ENKD1: variants seen among roughly 807,000 people sequenced by gnomAD.
ENKD1 encodes enkurin domain containing 1.
ENKD1 carries 39 observed loss-of-function variants against 35.8 expected under a neutral mutation model. That is an observed-to-expected ratio of 1.09 (90% CI 0.84 to 1.42). The LOEUF is 1.42. Ranked by LOEUF, ENKD1 falls within the 40% of genes most tolerant of loss-of-function variation. ENKD1 has a pLI of 0.00. For missense variants in ENKD1, 474 were observed against 471.3 expected (o/e 1.01, Z -0.05); for synonymous variants, 205 against 198.6 (o/e 1.03, Z -0.27).
Position 67,662,991 on chromosome 16 carries a change from G to A in ENKD1, c.*170C>T, listed in dbSNP as rs1322572121. ...TTTTGACAAAGCAGTTAAAAGGCTA[G>A]GGTGGCCCTTCTGCAGCCACTGGTG... On this transcript the variant is annotated 3_prime_UTR_variant, in exon 7 of 7. Transcript: ENST00000243878. This position sits in a 1 kb window ranked among gnomAD's most constrained non-coding sequence, Gnocchi z 6.9. 2.8e-6 allele frequency: 2 copies of A among 716,284 alleles called. No homozygotes were observed. Among genetic ancestry groups the A allele is most frequent in the Non-Finnish European group, 4.5e-6 (2 of 443,948 alleles). The allele number at this position is 716,284 out of a possible 1,614,324, so 44.4% of individuals were successfully genotyped here.
Position 67,663,517 on chromosome 16 carries a change from C to G in ENKD1, c.783G>C (p.Glu261Asp). 1 of 1,612,040 alleles carries G rather than the reference C, an allele frequency of 6.2e-7. No individual in the cohort carries two copies. The highest frequency in any genetic ancestry group is 1.1e-5 in the South Asian group (1 of 91,010). Residue 261 changes from glutamate to aspartate, a missense_variant, in exon 6 of 7, where the codon GAG becomes GAC. Physicochemically the swap from Glu to Asp is conservative, Grantham distance 45. Coordinates refer to ENST00000243878, the MANE Select transcript of ENKD1 (RefSeq NM_032140.3). ...GGTCCGGCTGGCTCTGCTTGCGGGC[C>G]TCGGCCTCCCGCCGCCACAGGTCCC... ...ERRDLWRREAEARKQSQPDPA... is the reference protein window; with the variant it reads ...ERRDLWRREADARKQSQPDPA...
chr16:67,663,117 C>T lies in ENKD1; in HGVS notation c.*44G>A, dbSNP rs374746019. ...AACCCTGTCCTTTGCAGCCATGTGG[C>T]GATCCTCAGCATGGAGCTCCTTGCC... On this transcript the variant is annotated 3_prime_UTR_variant, in exon 7 of 7. Transcript: ENST00000243878. 8 of 1,607,716 alleles carry T rather than the reference C, an allele frequency of 5.0e-6. No individual in the cohort carries two copies. Among genetic ancestry groups the T allele is most frequent in the African/African-American group, 2.7e-5 (2 of 74,992 alleles).
chr16:67,665,321 A>G lies in ENKD1; in HGVS notation c.281-153T>C, dbSNP rs147650724. On this transcript the variant is annotated intron_variant, in intron 2 of 6. Transcript: ENST00000243878. The stretch of plus-strand genomic sequence containing the variant: ...GACCCTACACACACTCTCCCTCATC[A>G]CCGTGTTCCCTTCCTCATGTAGTAA... 3.5e-3 allele frequency among the ~76,000 whole-genome samples: 532 copies of G among 151,816 alleles called. 6 individuals are homozygous for G. Among genetic ancestry groups the G allele is most frequent in the African/African-American group, 0.012 (495 of 41,314 alleles).
intron 2 of ENKD1, 100 bp downstream of exon 2, chr16:67,665,971 G>A (rs2053095641): frequency 1.5e-6 from 2 of 1,305,610 alleles, no homozygotes; most frequent in Middle Eastern, 2.0e-4. Context: ...CTCAAGAGAT[G>A]CAAAGCCTGG....
chr16:67,663,885 C>A (rs756445330), intron 4 of ENKD1, 52 bp downstream of exon 4: 57 of 1,604,316 alleles, frequency 3.6e-5, no homozygotes, highest in Non-Finnish European at 4.8e-5. Flanking sequence ...AACACCCCCC[C>A]CACACCAGGA....
rs2053107247 is a variant in ENKD1 at position 67,666,571 on chromosome 16, C to G, written c.-129G>C. ...CCCTGACCCTGGCGTGCCCGCCACT[C>G]CCGGGCCCCTGCCGGTCCCCGCCTG... On this transcript the variant is annotated 5_prime_UTR_variant, in exon 1 of 7. Coordinates refer to ENST00000243878, the MANE Select transcript of ENKD1 (RefSeq NM_032140.3). 4.5e-6 allele frequency: 4 copies of G among 884,474 alleles called. No individual in the cohort carries two copies. Among genetic ancestry groups the G allele is most frequent in the South Asian group, 4.3e-5 (2 of 46,988 alleles). 54.8% of individuals were successfully genotyped at this position (884,474 alleles called of 1,614,324 possible).
Position 67,666,348 on chromosome 16 carries a change from C to A in ENKD1, c.85+10G>T. On this transcript the variant is annotated intron_variant, in intron 1 of 6. Coordinates refer to ENST00000243878, the MANE Select transcript of ENKD1 (RefSeq NM_032140.3). The stretch of plus-strand genomic sequence containing the variant: ...TGAGCCTCGCACCACCGCCAAGCCC[C>A]CGGACTCACCCGAGGTCGGCCGCCT... The A allele has an allele frequency of 6.3e-7, 1 of 1,581,392 alleles. No homozygotes were observed. The highest frequency in any genetic ancestry group is 1.3e-5 in the African/African-American group (1 of 74,382).
chr16:67,663,911 CA>C (rs1567646784), intron 4 of ENKD1, 25 bp downstream of exon 4: 2 of 1,606,380 alleles, frequency 1.2e-6, no homozygotes, highest in South Asian at 2.2e-5. Flanking sequence ...GCCCAACCAC[CA>C]TCTAGCCCCC....
In ENKD1 at chr16:67,666,234, C is replaced by T. The variant is rs2053100868; in HGVS notation, c.117G>A (p.Lys39=). The change falls in exon 2 of 7, where the codon AAG becomes AAA. Residue 39 remains lysine, a synonymous_variant. Coordinates refer to ENST00000243878, the MANE Select transcript of ENKD1 (RefSeq NM_032140.3). The part of the protein sequence containing the change: ...AQGRLEGNAL[K]LDLLTSDRAL... The stretch of plus-strand genomic sequence containing the variant: ...CCCGGTCGGAAGTCAGCAAGTCCAG[C>T]TTCAGCGCGTTTCCCTCGAGGCGCC... 1 of 1,606,508 alleles carries T rather than the reference C, an allele frequency of 6.2e-7. No individual in the cohort carries two copies. The highest frequency in any genetic ancestry group is 1.7e-5 in the Admixed American group (1 of 59,468).
At chr16:67,665,994 G>T in intron 2 of ENKD1, 77 bp downstream of exon 2, 1 of 1,494,990 alleles carries the variant, frequency 6.7e-7, no homozygotes, top group Non-Finnish European at 9.1e-7. Flanking sequence ...CCACGTCAGG[G>T]TGGAAAGAGC....
Position 67,663,782 on chromosome 16 carries a change from T to C in ENKD1, c.618A>G (p.Ala206=). The C allele has an allele frequency of 6.2e-7, 1 of 1,609,470 alleles. No individual in the cohort carries two copies. Among genetic ancestry groups the C allele is most frequent in the Non-Finnish European group, 8.5e-7 (1 of 1,177,766 alleles). ...GLGVDFIRHN[A]RAAKRAPRRH... ...TCCGGGGGGCTCTCTTGGCAGCTCG[T>C]GCATTGTGACGAATGAAGTCCACCC... The change falls in exon 5 of 7, where the codon GCA becomes GCG. Residue 206 remains alanine, a synonymous_variant. Coordinates refer to ENST00000243878, the MANE Select transcript of ENKD1 (RefSeq NM_032140.3).
Position 67,663,193 on chromosome 16 carries a change from G to T in ENKD1, c.1009C>A (p.Arg337=). 3 of 1,614,048 alleles carry T rather than the reference G, an allele frequency of 1.9e-6. No individual in the cohort carries two copies. The highest frequency in any genetic ancestry group is 2.5e-6 in the Non-Finnish European group (3 of 1,180,034). ...QVEEAIKIFS[R]PKVFVKMDD is the part of the protein sequence containing the mutation. ...TCCATCTTCACGAAGACTTTGGGCC[G>T]AGAAAAGATCTTGATGGCCTCCTCT... The change falls in exon 7 of 7, where the codon CGG becomes AGG. Residue 337 remains arginine (R), a synonymous_variant. Coordinates refer to ENST00000243878, the MANE Select transcript of ENKD1 (RefSeq NM_032140.3).
chr16:67,663,573 T>C lies in ENKD1; in HGVS notation c.744-17A>G. 6.2e-7 allele frequency: 1 copy of C among 1,609,164 alleles called. No homozygotes were observed. ...TCCAACAAGCTGTGGGTACACAGGC[T>C]CAGAGTTGATGACCCGAGGGCAGAG... On this transcript the variant is annotated splice_polypyrimidine_tract_variant and intron_variant, in intron 5 of 6. Transcript: ENST00000243878.
intron 3 of ENKD1, chr16:67,664,447 G>C: frequency 2.7e-6 from 1 of 364,508 alleles, no homozygotes; most frequent in South Asian, 2.2e-5. Context: ...CTGAGATCCA[G>C]GCCTGAATTT....
chr16:67,666,143 C>T lies in ENKD1; in HGVS notation c.208G>A (p.Gly70Ser). 6.2e-7 allele frequency: 1 copy of T among 1,612,812 alleles called. No individual in the cohort carries two copies. Among genetic ancestry groups the T allele is most frequent in the Non-Finnish European group, 8.5e-7 (1 of 1,179,974 alleles). Residue 70 changes from glycine to serine, a missense_variant, in exon 2 of 7, where the codon GGC becomes AGC. Coordinates refer to ENST00000243878, the MANE Select transcript of ENKD1 (RefSeq NM_032140.3). ...GPGAGEILER[G>S]QRGVGDVLLQ... is the part of the protein sequence containing the mutation. ...AGCACGTCCCCGACGCCGCGCTGGC[C>T]GCGCTCCAGGATCTCTCCGGCACCG...
In ENKD1 at chr16:67,663,831, C is replaced by T; in HGVS notation, c.580-11G>A. 2 of 1,604,040 alleles carry T rather than the reference C, an allele frequency of 1.2e-6. No homozygotes were observed. The highest frequency in any genetic ancestry group is 1.3e-5 in the African/African-American group (1 of 74,904). ...CCCCAGGCCTGGCTCCTGCAGGACACAGCAAGCGTGGGTGGGGGCAGACAG... is the reference window on the plus strand; with the variant it reads ...CCCCAGGCCTGGCTCCTGCAGGACATAGCAAGCGTGGGTGGGGGCAGACAG... On this transcript the variant is annotated splice_polypyrimidine_tract_variant and intron_variant, in intron 4 of 6. Transcript: ENST00000243878.
chr16:67,663,716 C>T lies in ENKD1; in HGVS notation c.684G>A (p.Glu228=). Residue 228 remains glutamate, a synonymous_variant, in exon 5 of 7, where the codon GAG becomes GAA. Transcript: ENST00000243878. ...CSLQVLAQVL[E]QQRQAQEHYN... ...AGTGCTCCTGGGCCTGCCGCTGCTG[C>T]TCTAGCACTTGTGCCAGGACCTGCA... 1 of 1,613,148 alleles carries T rather than the reference C, an allele frequency of 6.2e-7. No homozygotes were observed. Among genetic ancestry groups the T allele is most frequent in the Non-Finnish European group, 8.5e-7 (1 of 1,179,588 alleles).
rs114429940 is a variant in ENKD1 at position 67,665,026 on chromosome 16, C to A, written c.423G>T (p.Lys141Asn). The change falls in exon 3 of 7, where the codon AAG becomes AAT. Residue 141 changes from lysine to asparagine, a missense_variant. Coordinates refer to ENST00000243878, the MANE Select transcript of ENKD1 (RefSeq NM_032140.3). The stretch of plus-strand genomic sequence containing the variant: ...GCTGGGCCTTGACCCGGGACTCCAC[C>A]TTGTCGTACTTGGGTGAGCGCCACA... ...KALWRSPKYD[K>N]VESRVKAQLQ... 1.6e-5 allele frequency: 26 copies of A among 1,610,784 alleles called. No homozygotes were observed. The highest frequency in any genetic ancestry group is 2.1e-5 in the Non-Finnish European group (25 of 1,178,596).
At chr16:67,666,303 G>A in intron 1 of ENKD1, 38 bp from the exon 2 acceptor site, 1 of 1,599,100 alleles carries the variant, frequency 6.3e-7, no homozygotes. Flanking sequence ...GGGCTCAGAG[G>A]TGGAGCCAGG....
Sources: allele counts gnomAD v4.1 joint callset (sites outside exome capture counted in the v4.1 genomes callset), GRCh38; gene constraint gnomAD v4.1.1; non-coding constraint Gnocchi (gnomAD v3.1); transcripts MANE v1.5; gene names NCBI Gene and HGNC (gene_info 2026-07-23, HGNC 2026-07-21).